The following DLG2 variants were observed in gnomAD, a reference collection of about 807,000 sequenced individuals.
The protein encoded by DLG2 is disks large homolog 2.
A neutral mutation model predicts 132.5 loss-of-function variants in DLG2; 45 were observed. The observed-to-expected ratio is 0.34, with a 90% CI of 0.27 to 0.44. The LOEUF is 0.44. Ranked by LOEUF, DLG2 falls within the 20% of genes least tolerant of loss-of-function variation. The probability of loss-of-function intolerance (pLI) is 1.00; values close to 1 mark genes in which losing one functional copy is unlikely to be tolerated. For missense variants in DLG2, 1,045 were observed against 1,196.9 expected, an observed-to-expected ratio of 0.87 and a Z score of 1.87; for synonymous variants, 424 against 419.6, an observed-to-expected ratio of 1.01 and a Z score of -0.13.
chr11:84,100,551 G>A (rs564731307), intron 9 of DLG2, among the ~76,000 whole-genome samples: 22 of 151,294 alleles, frequency 1.5e-4, no homozygotes, highest in South Asian at 6.3e-4. Flanking sequence ...ATAAATATTC[G>A]TCTTAAATGG....
chr11:84,962,832 G>T (rs545120965), intron 6 of DLG2, among the ~76,000 whole-genome samples: 4 of 152,160 alleles, frequency 2.6e-5, no homozygotes, highest in Non-Finnish European at 5.9e-5. Flanking sequence ...TTAATGCTGC[G>T]TATTCAAAGC....
At position 83,599,383 on chromosome 11, in the gene DLG2, C is replaced by T. The variant is rs545821450; in HGVS notation, c.1940+33828G>A. 2.6e-5 allele frequency among the ~76,000 whole-genome samples: 4 copies of T among 152,278 alleles called. No individual in the cohort carries two copies. The South Asian group carries it at 8.3e-4, about 32-fold the overall frequency. ...GCTATTTCACACCTCCTTGCTTTTG[C>T]TTATCCAGCTTCCTCTGATTGGAAA... On this transcript the variant is annotated intron_variant, in intron 19 of 27. Coordinates refer to ENST00000376104, the MANE Select transcript of DLG2 (RefSeq NM_001142699.3).
At chr11:85,443,401 C>T (rs1380279631) in intron 3 of DLG2, among the ~76,000 whole-genome samples, 4 of 152,140 alleles carry the variant, frequency 2.6e-5, no homozygotes, top group Admixed American at 6.5e-5. Flanking sequence ...ATTGTCAAGT[C>T]GCTTAGTCTC....
intron 10 of DLG2, among the ~76,000 whole-genome samples, chr11:84,079,784 T>C (rs112582997): frequency 0.028 from 4,278 of 152,282 alleles, 162 homozygotes; most frequent in African/African-American, 0.097. Flanking sequence ...TGATTTCTCA[T>C]GGCCACCTCT....
chr11:84,464,598 CA>C (rs1227644691), intron 7 of DLG2, among the ~76,000 whole-genome samples: 1 of 150,770 alleles, frequency 6.6e-6, no homozygotes, highest in Admixed American at 6.6e-5. Flanking sequence ...CTTTTCAGAG[CA>C]AAAATTATGA....
In DLG2 at chr11:84,113,863, T is replaced by C. The variant is rs561824191; in HGVS notation, c.625-14816A>G. Among the ~76,000 whole-genome samples, 13 of 152,282 alleles carry C rather than the reference T, an allele frequency of 8.5e-5. No homozygotes were observed. The South Asian group carries it at 2.3e-3, about 27-fold the overall frequency. ...CACCTTGCAGCTAAACTTTAAAGAA[T>C]GACCATTTGTCAAGTTTTAATGTGG... On this transcript the variant is annotated intron_variant, in intron 9 of 27. Coordinates refer to ENST00000376104, the MANE Select transcript of DLG2 (RefSeq NM_001142699.3).
At chr11:83,964,476 G>A (rs952402268) in intron 13 of DLG2, among the ~76,000 whole-genome samples, 1 of 151,950 alleles carries the variant, frequency 6.6e-6, no homozygotes, top group South Asian at 2.1e-4. Flanking sequence ...CAATTTGCTT[G>A]AGACCATAGT....
Position 85,057,553 on chromosome 11 carries a change from G to T in DLG2, c.357+54108C>A, listed in dbSNP as rs183638010. On this transcript the variant is annotated intron_variant, in intron 6 of 27. Transcript: ENST00000376104. ...TACAGAAGGAAATATCAAGCCCAAAGACTTCAGAGGTGAATTATTCCAAAT... is the reference window on the plus strand; with the variant it reads ...TACAGAAGGAAATATCAAGCCCAAATACTTCAGAGGTGAATTATTCCAAAT... 5.3e-5 allele frequency among the ~76,000 whole-genome samples: 8 copies of T among 151,622 alleles called. No homozygotes were observed. In the East Asian group the frequency reaches 1.5e-3, roughly 29 times the overall value.
chr11:84,958,612 G>A (rs751878662), intron 6 of DLG2, among the ~76,000 whole-genome samples: 6 of 152,112 alleles, frequency 3.9e-5, no homozygotes, highest in African/African-American at 7.2e-5. Flanking sequence ...AGACACAGAC[G>A]TGTCTTAGGG....
chr11:85,351,734 C>T (rs2083305590), intron 3 of DLG2, among the ~76,000 whole-genome samples: 1 of 152,200 alleles, frequency 6.6e-6, no homozygotes, highest in Admixed American at 6.5e-5. Context: ...CATGTTGAAC[C>T]AGCCTCGCAT....
chr11:85,494,775 A>AAG (rs2093634721), intron 3 of DLG2, among the ~76,000 whole-genome samples: 1 of 152,100 alleles, frequency 6.6e-6, no homozygotes, highest in South Asian at 2.1e-4. Context: ...AATATGAAAG[A>AAG]AGAAATTATG....
chr11:85,407,328 C>T (rs559619371), intron 3 of DLG2, among the ~76,000 whole-genome samples: 143 of 151,944 alleles, frequency 9.4e-4, no homozygotes, highest in Non-Finnish European at 1.8e-3. Flanking sequence ...TGGGTATATT[C>T]ATGAATGCCT....
At chr11:85,413,222 T>C (rs566153216) in intron 3 of DLG2, among the ~76,000 whole-genome samples, 38 of 152,070 alleles carry the variant, frequency 2.5e-4, no homozygotes, top group Non-Finnish European at 4.7e-4. Context: ...TTGAGAACTG[T>C]CTATTCATGT....
At chr11:83,562,334 T>A (rs2096625733) in intron 19 of DLG2, among the ~76,000 whole-genome samples, 1 of 152,144 alleles carries the variant, frequency 6.6e-6, no homozygotes, top group South Asian at 2.1e-4. Context: ...TAAGGGAGCA[T>A]CTGTGGTGCA....
chr11:85,503,205 T>A (rs982878032), intron 3 of DLG2, among the ~76,000 whole-genome samples: 19 of 152,294 alleles, frequency 1.2e-4, no homozygotes, highest in Middle Eastern at 3.4e-3. Flanking sequence ...TTATATTTTA[T>A]ACTTTTTTGC....
chr11:84,835,063 T>C (rs530656830), intron 6 of DLG2, among the ~76,000 whole-genome samples: 3 of 151,788 alleles, frequency 2.0e-5, no homozygotes, highest in African/African-American at 7.2e-5. Flanking sequence ...CTAAAGTTAT[T>C]AGAGTTTGGA....
intron 17 of DLG2, among the ~76,000 whole-genome samples, chr11:83,826,460 C>T (rs1411422479): frequency 6.6e-6 from 1 of 152,104 alleles, no homozygotes; most frequent in Admixed American, 6.6e-5. Context: ...ATGGGCTCTA[C>T]AATTAAGAGA....
At position 84,304,176 on chromosome 11, in the gene DLG2, C is replaced by T. The variant is rs141312024; in HGVS notation, c.520-52885G>A. ...AGTCATAAATGCAGATAAGTCTTGG[C>T]CCCAAATCATAATTTAATAATGATG... On this transcript the variant is annotated intron_variant, in intron 7 of 27. Transcript: ENST00000376104. Among the ~76,000 whole-genome samples the T allele has an allele frequency of 1.2e-4, 19 of 152,162 alleles. No homozygotes were observed. The East Asian group carries it at 3.7e-3, about 30-fold the overall frequency.
At chr11:85,103,184 C>T (rs2071149286) in intron 6 of DLG2, among the ~76,000 whole-genome samples, 1 of 151,904 alleles carries the variant, frequency 6.6e-6, no homozygotes, top group South Asian at 2.1e-4. Flanking sequence ...AGCAATATTC[C>T]TCAAATTGAT....
Sources: gnomAD v4.1 joint callset for allele counts (sites outside exome capture counted in the v4.1 genomes callset) on GRCh38, gnomAD v4.1.1 for gene constraint, MANE v1.5 for transcripts, NCBI Gene and HGNC (gene_info 2026-07-23, HGNC 2026-07-21) for gene names.